GPC6: variants seen among roughly 807,000 people sequenced by gnomAD.
GPC6 encodes glypican 6.
In GPC6, 14 loss-of-function variants were observed where a neutral mutation model predicts 55.2. The observed-to-expected ratio is 0.25, with a 90% CI of 0.17 to 0.40. The LOEUF (loss-of-function observed/expected upper bound fraction) is 0.40, where lower values mean the gene tolerates loss of function less well. Among genes scored for constraint, GPC6 ranks in the 10% least tolerant of loss-of-function variants. The pLI is 1.00. For missense variants in GPC6, 641 were observed against 708.5 expected (o/e 0.90, Z 1.08); for synonymous variants, 278 against 259.6 (o/e 1.07, Z -0.68).
chr13:93,774,553 T>C (rs1594445771), intron 2 of GPC6, among the ~76,000 whole-genome samples: 4 of 152,316 alleles, frequency 2.6e-5, no homozygotes, highest in Admixed American at 1.3e-4. Context: ...AAGTCGTGTA[T>C]AAAGGCTGCA....
At chr13:94,335,444 A>T (rs1275117630) in intron 6 of GPC6, among the ~76,000 whole-genome samples, 1 of 152,150 alleles carries the variant, frequency 6.6e-6, no homozygotes, top group East Asian at 1.9e-4. Context: ...AATCACAAAC[A>T]TATTCAAAAA....
At chr13:93,229,778 C>T (rs763619868) in intron 1 of GPC6, among the ~76,000 whole-genome samples, 3 of 151,956 alleles carry the variant, frequency 2.0e-5, no homozygotes, top group African/African-American at 7.3e-5. Flanking sequence ...TTGCTTTAAG[C>T]CTTGTGTCCT....
intron 2 of GPC6, among the ~76,000 whole-genome samples, chr13:93,779,433 T>A (rs1431533713): frequency 6.6e-6 from 1 of 152,226 alleles, no homozygotes; most frequent in Non-Finnish European, 1.5e-5. Context: ...AATTCCATAT[T>A]GAGACTACAG....
Position 94,406,385 on chromosome 13 carries a change from C to T in GPC6, c.*3168C>T, listed in dbSNP as rs2139238197. On this transcript the variant is annotated 3_prime_UTR_variant, in exon 9 of 9. Coordinates refer to ENST00000377047, the MANE Select transcript of GPC6 (RefSeq NM_005708.5). ...ATTGAAGGACAACCATGACAACCTT[C>T]TGTCATTTTCACGAAGGCCAAGTTG... The T allele has an allele frequency of 6.6e-6, 1 of 152,258 alleles. No homozygotes were observed. Among genetic ancestry groups the T allele is most frequent in the East Asian group, 1.9e-4 (1 of 5,184 alleles). The allele number at this position is 152,258 out of a possible 1,614,324, so 9.4% of individuals were successfully genotyped here. A position where few individuals can be genotyped will look rare whatever the true frequency, so the allele number is the denominator to read the frequency against.
rs552919650 is a variant in GPC6 at position 93,622,174 on chromosome 13, T to C, written c.319+76753T>C. ...TGCTGGTGTCACACAGTTGTACATA[T>C]TGCATCATAATACCATGCTCAAAAA... is the stretch of plus-strand genomic sequence containing the variant. On this transcript the variant is annotated intron_variant, in intron 2 of 8. Coordinates refer to ENST00000377047, the MANE Select transcript of GPC6 (RefSeq NM_005708.5). Among the ~76,000 whole-genome samples the C allele has an allele frequency of 2.0e-5, 3 of 152,298 alleles. No individual in the cohort carries two copies. The South Asian group carries it at 6.2e-4, about 32-fold the overall frequency.
chr13:94,333,257 G>A (rs1381885629), intron 6 of GPC6, among the ~76,000 whole-genome samples: 2 of 152,038 alleles, frequency 1.3e-5, no homozygotes, highest in Admixed American at 6.6e-5. Context: ...CTCATATTTT[G>A]CCCTTTTCCA....
intron 3 of GPC6, among the ~76,000 whole-genome samples, chr13:93,899,157 ATTCT>A (rs1203759771): frequency 6.6e-6 from 1 of 151,694 alleles, no homozygotes; most frequent in Non-Finnish European, 1.5e-5. Flanking sequence ...CCATTTAATC[ATTCT>A]TTCTTTCATT....
At chr13:94,046,690 C>T (rs543828472) in intron 4 of GPC6, among the ~76,000 whole-genome samples, 1 of 152,130 alleles carries the variant, frequency 6.6e-6, no homozygotes, top group Admixed American at 6.6e-5. Flanking sequence ...CACTTTTCTG[C>T]ATTTCTCTTA....
intron 4 of GPC6, among the ~76,000 whole-genome samples, chr13:94,110,229 G>A (rs1011976760): frequency 6.6e-6 from 1 of 151,940 alleles, no homozygotes; most frequent in African/African-American, 2.4e-5. Context: ...AAATATCTGA[G>A]TAAATGTGAA....
At chr13:94,116,301 A>G (rs867968123) in intron 4 of GPC6, among the ~76,000 whole-genome samples, 1 of 152,044 alleles carries the variant, frequency 6.6e-6, no homozygotes, top group South Asian at 2.1e-4. Flanking sequence ...TGCGCTTGAT[A>G]TTGGTGTTAC....
chr13:93,542,051 G>T (rs74969768), intron 1 of GPC6, among the ~76,000 whole-genome samples: 5 of 152,054 alleles, frequency 3.3e-5, no homozygotes, highest in South Asian at 2.1e-4. Context: ...GTCAATTTTG[G>T]CTTTTGTTGC....
intron 1 of GPC6, among the ~76,000 whole-genome samples, chr13:93,348,170 C>T (rs939489097): frequency 1.3e-5 from 2 of 152,094 alleles, no homozygotes; most frequent in Admixed American, 6.6e-5. Context: ...CCAAAGTCCC[C>T]GTGGTGTTTT....
At chr13:93,704,660 C>T (rs1467921808) in intron 2 of GPC6, among the ~76,000 whole-genome samples, 2 of 151,880 alleles carry the variant, frequency 1.3e-5, no homozygotes, top group African/African-American at 4.8e-5. Flanking sequence ...CTCAATTTTA[C>T]CTTGAAAAGT....
chr13:94,316,766 T>C (rs1876562140), intron 6 of GPC6, among the ~76,000 whole-genome samples: 1 of 151,996 alleles, frequency 6.6e-6, no homozygotes, highest in African/African-American at 2.4e-5. Context: ...TACTGGCATG[T>C]AGATGTCTTT....
At chr13:93,256,740 C>T (rs1297258900) in intron 1 of GPC6, among the ~76,000 whole-genome samples, 6 of 152,098 alleles carry the variant, frequency 3.9e-5, no homozygotes, top group South Asian at 2.1e-4. Flanking sequence ...CCTTATATTA[C>T]GGCTTTTCAT....
intron 2 of GPC6, among the ~76,000 whole-genome samples, chr13:93,641,791 G>T (rs763631650): frequency 6.6e-6 from 1 of 151,930 alleles, no homozygotes; most frequent in Non-Finnish European, 1.5e-5. Flanking sequence ...AGATTTCAAA[G>T]AACTTGAAAA....
intron 6 of GPC6, among the ~76,000 whole-genome samples, chr13:94,366,471 T>C (rs897857625): frequency 6.6e-6 from 1 of 152,222 alleles, no homozygotes; most frequent in Non-Finnish European, 1.5e-5. Context: ...ATAATGATGA[T>C]AGAATAGATG....
At chr13:93,933,163 A>G (rs1566610156) in intron 3 of GPC6, among the ~76,000 whole-genome samples, 1 of 151,862 alleles carries the variant, frequency 6.6e-6, no homozygotes, top group Non-Finnish European at 1.5e-5. Flanking sequence ...ACAGGGAGGC[A>G]GTTAATATAG....
At chr13:93,830,132 C>A in intron 2 of GPC6, 22 bp from the exon 3 acceptor site, 1 of 1,594,024 alleles carries the variant, frequency 6.3e-7, no homozygotes, top group Non-Finnish European at 8.6e-7. Context: ...TAATTTATGA[C>A]TTCTTTCTGT....
Sources: allele counts gnomAD v4.1 joint callset (sites outside exome capture counted in the v4.1 genomes callset), GRCh38; gene constraint gnomAD v4.1.1; transcripts MANE v1.5; gene names NCBI Gene and HGNC (gene_info 2026-07-23, HGNC 2026-07-21).